Variants in TENM3 observed in about 807,000 individuals in gnomAD.
TENM3 encodes teneurin-3.
TENM3 carries 63 observed loss-of-function variants against 255.1 expected under a neutral mutation model. The ratio of observed to expected loss-of-function variants is 0.25; its 90% confidence interval spans 0.20 to 0.30. TENM3 has a LOEUF of 0.30. TENM3 is among the 10% of genes least tolerant of loss of function. TENM3 has a pLI of 1.00. For synonymous variants in TENM3, 1,306 were observed against 1,322.3 expected (o/e 0.99, Z 0.27); for missense variants, 2,929 against 3,461.1 (o/e 0.85, Z 3.86).
the TENM3 span, among the ~76,000 whole-genome samples, chr4:181,610,949 T>C: frequency 2.6e-5 from 4 of 152,204 alleles, no homozygotes; most frequent in Admixed American, 6.5e-5. Flanking sequence ...AATATTACCA[T>C]GTGGAAAGCC....
the TENM3 span, among the ~76,000 whole-genome samples, chr4:181,559,539 G>C: frequency 6.6e-6 from 1 of 152,148 alleles, no homozygotes; most frequent in Non-Finnish European, 1.5e-5. Context: ...TTCCTTATTT[G>C]AAAAATTGCA....
chr4:181,672,321 G>A, the TENM3 span, among the ~76,000 whole-genome samples: 5 of 152,042 alleles, frequency 3.3e-5, no homozygotes, highest in Non-Finnish European at 7.4e-5. Flanking sequence ...TGCAATATTT[G>A]CTTTATTTGT....
At chr4:181,838,127 A>G in the TENM3 span, among the ~76,000 whole-genome samples, 9 of 130,342 alleles carry the variant, frequency 6.9e-5, no homozygotes, top group South Asian at 6.0e-4. Context: ...CAACAGAGCA[A>G]GACTCCATCT....
chr4:182,370,540 A>G (rs1475443893), intron 3 of TENM3, among the ~76,000 whole-genome samples: 9 of 152,220 alleles, frequency 5.9e-5, no homozygotes, highest in Non-Finnish European at 1.2e-4. Flanking sequence ...TTAACAAAAA[A>G]GAGACAATAA....
At chr4:182,615,399 G>A (rs544647776) in intron 4 of TENM3, among the ~76,000 whole-genome samples, 1 of 152,212 alleles carries the variant, frequency 6.6e-6, no homozygotes, top group South Asian at 2.1e-4. Flanking sequence ...CCAAGGTAAA[G>A]TATCAACTAG....
At chr4:181,706,030 A>G in the TENM3 span, among the ~76,000 whole-genome samples, 3 of 152,124 alleles carry the variant, frequency 2.0e-5, no homozygotes, top group Admixed American at 6.5e-5. Flanking sequence ...TAAACAACAG[A>G]CATTTATTTT....
chr4:182,064,812 G>A, the TENM3 span, among the ~76,000 whole-genome samples: 4 of 152,064 alleles, frequency 2.6e-5, 1 homozygote, highest in Admixed American at 2.6e-4. Context: ...GGAGTGTTCG[G>A]GAAAGAAAAT....
intron 1 of TENM3, among the ~76,000 whole-genome samples, chr4:182,323,420 T>TAA (rs11313091): frequency 9.2e-5 from 12 of 130,290 alleles, no homozygotes; most frequent in East Asian, 2.2e-4. Flanking sequence ...TAAGATATAT[T>TAA]AAAAAAAAAA....
At chr4:182,618,277 C>T (rs1749737046) in intron 4 of TENM3, among the ~76,000 whole-genome samples, 3 of 151,972 alleles carry the variant, frequency 2.0e-5, no homozygotes, top group African/African-American at 7.2e-5. Context: ...CCTATAATTT[C>T]TAATTTATTA....
At chr4:182,104,528 T>G in the TENM3 span, among the ~76,000 whole-genome samples, 1 of 124,086 alleles carries the variant, frequency 8.1e-6, no homozygotes, top group South Asian at 2.8e-4. Flanking sequence ...TTTTTTTTTT[T>G]TGAGACAGAG....
At position 182,358,397 on chromosome 4, in the gene TENM3, G is replaced by C. The variant is rs1351863319; in HGVS notation, c.511+11468G>C. 2.7e-3 allele frequency among the ~76,000 whole-genome samples: 407 copies of C among 151,070 alleles called. 8 individuals carry two copies. The highest frequency in any genetic ancestry group is 9.6e-3 in the African/African-American group (393 of 40,992). ...TTTGTATCCTCTTTTATTTCATTGA[G>C]CAGTGGTTTGTAGTTCTCCTTGAAG... On this transcript the variant is annotated intron_variant, in intron 3 of 27. Coordinates refer to ENST00000511685, the MANE Select transcript of TENM3 (RefSeq NM_001080477.4).
At chr4:182,079,894 G>C in the TENM3 span, 1 of 152,346 alleles carries the variant, frequency 6.6e-6, no homozygotes, top group Non-Finnish European at 1.5e-5. Context: ...AGCGAGGAAA[G>C]CAAAAGAAAC....
chr4:182,590,333 T>C (rs1746473284), intron 3 of TENM3, among the ~76,000 whole-genome samples: 1 of 151,646 alleles, frequency 6.6e-6, no homozygotes, highest in Admixed American at 6.6e-5. Flanking sequence ...GTCTTCTCCT[T>C]GTTCATTAAA....
At chr4:182,402,495 G>A (rs537586095) in intron 3 of TENM3, among the ~76,000 whole-genome samples, 7 of 152,224 alleles carry the variant, frequency 4.6e-5, no homozygotes, top group African/African-American at 1.2e-4. Context: ...CAACGTAGAC[G>A]TAGCCAGCCA....
chr4:182,019,965 G>A, the TENM3 span, among the ~76,000 whole-genome samples: 6 of 152,220 alleles, frequency 3.9e-5, 1 homozygote, highest in African/African-American at 1.4e-4. Context: ...GTGAGCCACT[G>A]TGCCTAGCTG....
chr4:182,291,036 G>C (rs1489002236), intron 1 of TENM3, among the ~76,000 whole-genome samples: 1 of 151,940 alleles, frequency 6.6e-6, no homozygotes, highest in Admixed American at 6.6e-5. Context: ...GGCCAGGCTG[G>C]TCTCGAATGC....
At chr4:182,747,822 G>T in intron 19 of TENM3, among the ~76,000 whole-genome samples, 1 of 152,070 alleles carries the variant, frequency 6.6e-6, no homozygotes, top group Non-Finnish European at 1.5e-5. Context: ...AATCAAGCAG[G>T]CATGGAAATA....
At chr4:181,697,454 C>T in the TENM3 span, among the ~76,000 whole-genome samples, 156 of 152,246 alleles carry the variant, frequency 1.0e-3, no homozygotes, top group African/African-American at 3.5e-3. Flanking sequence ...AGTGCAGTGG[C>T]GTGATCTTGG....
chr4:182,231,779 C>T (rs1265063667), intron 1 of TENM3, among the ~76,000 whole-genome samples: 2 of 152,294 alleles, frequency 1.3e-5, no homozygotes, highest in African/African-American at 2.4e-5. Context: ...CCTGACATTC[C>T]GAGCCTGGGA....
Sources: gnomAD v4.1 joint callset for allele counts (sites outside exome capture counted in the v4.1 genomes callset) on GRCh38, gnomAD v4.1.1 for gene constraint, MANE v1.5 for transcripts, NCBI Gene and HGNC (gene_info 2026-07-23, HGNC 2026-07-21) for gene names.